The following LAMA1 variants were observed in gnomAD, a reference collection of about 807,000 sequenced individuals.
The protein encoded by LAMA1 is laminin subunit alpha 1.
In LAMA1, 219 loss-of-function variants were observed where a neutral mutation model predicts 348.7. That is an observed-to-expected ratio of 0.63 (90% confidence interval 0.56 to 0.70). The LOEUF (loss-of-function observed/expected upper bound fraction) is 0.70. Among genes scored for constraint, LAMA1 ranks in the 30% least tolerant of loss-of-function variants. The probability of loss-of-function intolerance (pLI) is 0.00; values close to 1 mark genes in which losing one functional copy is unlikely to be tolerated. For missense variants in LAMA1, 3,744 were observed against 3,888.0 expected (o/e 0.96, Z 0.99); for synonymous variants, 1,487 against 1,491.0 (o/e 1.00, Z 0.06).
intron 8 of LAMA1, 159 bp from the exon 9 acceptor site, chr18:7,042,409 C>G (rs1038161780): frequency 6.5e-6 from 4 of 615,660 alleles, no homozygotes; most frequent in African/African-American, 1.8e-5. Flanking sequence ...TAAGATGATC[C>G]CAAGCCAGGA....
At chr18:6,946,670 G>A (rs1333369072) in intron 61 of LAMA1, among the ~76,000 whole-genome samples, 1 of 152,098 alleles carries the variant, frequency 6.6e-6, no homozygotes, top group Non-Finnish European at 1.5e-5. Context: ...AGTGAGCTGA[G>A]ATTGCACCAT....
rs1293151804 is a variant in LAMA1, at chr18:7,010,362, C to T, written c.3711G>A (p.Leu1237=). The T allele has an allele frequency of 6.2e-7, 1 of 1,614,114 alleles. No individual in the cohort carries two copies. The highest frequency in any genetic ancestry group is 2.2e-5 in the East Asian group (1 of 44,878). ...AAGAATAGAAGGCCACGCTGTACTT[C>T]AGTTTGCCACCATAGGCCATGAGCT... ...GDQLMAYGGK[L]KYSVAFYSLD... Residue 1237 remains leucine (L), a synonymous_variant, in exon 26 of 63, where the codon CTG becomes CTA. Transcript: ENST00000389658.
At position 6,948,200 on chromosome 18, in the gene LAMA1, G is replaced by A. The variant is rs2057530668; in HGVS notation, c.8710+203C>T. On this transcript the variant is annotated intron_variant, in intron 60 of 62. Transcript: ENST00000389658. The stretch of plus-strand genomic sequence containing the variant: ...TCAGGAGTCACACCACTCCTTGGGG[G>A]AGACTTTGTCAGGCCATCCAGATAG... 3.3e-5 allele frequency among the ~76,000 whole-genome samples: 5 copies of A among 152,288 alleles called. 1 individual carries two copies. The Middle Eastern group carries it at 0.017, about 518-fold the overall frequency.
chr18:7,055,055 A>AT (rs983968219), intron 3 of LAMA1, among the ~76,000 whole-genome samples: 9 of 151,814 alleles, frequency 5.9e-5, no homozygotes, highest in African/African-American at 1.9e-4. Flanking sequence ...TTATTCATGG[A>AT]TTTTTTGACT....
chr18:6,943,121 C>G, intron 62 of LAMA1, 59 bp downstream of exon 62: 1 of 1,465,416 alleles, frequency 6.8e-7, no homozygotes, highest in Non-Finnish European at 9.6e-7. Flanking sequence ...CCACCTGAAC[C>G]AAGACTTCCT....
chr18:7,021,111 G>A (rs926898981), intron 19 of LAMA1, among the ~76,000 whole-genome samples: 8 of 152,052 alleles, frequency 5.3e-5, no homozygotes, highest in East Asian at 1.9e-4. Flanking sequence ...GCCTGGGCCC[G>A]TCTTCCCACG....
At chr18:6,982,168 A>G (rs1228233985) in intron 41 of LAMA1, among the ~76,000 whole-genome samples, 2 of 152,158 alleles carry the variant, frequency 1.3e-5, no homozygotes, top group Non-Finnish European at 2.9e-5. Flanking sequence ...AGCACACGCA[A>G]TCAAAGATAA....
rs967552064 is a variant in LAMA1, at chr18:6,955,300, C to G, written c.8207+53G>C. On this transcript the variant is annotated intron_variant, in intron 57 of 62. Coordinates refer to ENST00000389658, the MANE Select transcript of LAMA1 (RefSeq NM_005559.4). ...AAAAGACTCTGTGGCTGCAGAACAC[C>G]CCCATACATCTAGCAATGAGACGCC... The G allele has an allele frequency of 4.8e-5, 65 of 1,343,412 alleles. No homozygotes were observed. In the African/African-American group the frequency reaches 7.6e-4, roughly 16 times the overall value. 83.2% of individuals were successfully genotyped at this position (1,343,412 alleles called of 1,614,324 possible).
intron 61 of LAMA1, among the ~76,000 whole-genome samples, chr18:6,946,841 A>G (rs1448392287): frequency 6.6e-6 from 1 of 152,226 alleles, no homozygotes; most frequent in Non-Finnish European, 1.5e-5. Context: ...TTCCAAATAA[A>G]AAGTTAAAAA....
rs1215937148 is a variant in LAMA1, at chr18:7,080,433, A to G, written c.86T>C (p.Leu29Pro). The change falls in exon 2 of 63, where the codon CTT becomes CCT. Residue 29 changes from leucine (L) to proline (P), a missense_variant. Around this residue, in one of 3 missense-constraint regions of LAMA1, gnomAD observed 1,529 missense variants for 1,689.4 expected, o/e 0.91. Transcript: ENST00000389658. The stretch of plus-strand genomic sequence containing the variant: ...GGTGCTGATGTGAGCATTGCTGGCA[A>G]GATTGAGAATGGCAGGAAACAGGCC... ...QRGLFPAILN[L>P]ASNAHISTNA... The G allele has an allele frequency of 6.2e-7, 1 of 1,614,144 alleles. No individual in the cohort carries two copies. The highest frequency in any genetic ancestry group is 8.5e-7 in the Non-Finnish European group (1 of 1,180,052).
intron 31 of LAMA1, 88 bp from the exon 32 acceptor site, chr18:6,999,726 G>T: frequency 7.9e-7 from 1 of 1,272,672 alleles, no homozygotes; most frequent in Non-Finnish European, 1.1e-6. Context: ...CAAATGAAAT[G>T]CAAAGCACAG....
At chr18:6,958,721 C>T in intron 54 of LAMA1, 59 bp from the exon 55 acceptor site, 1 of 1,405,524 alleles carries the variant, frequency 7.1e-7, no homozygotes, top group Non-Finnish European at 1.0e-6. Context: ...ATAATAATTC[C>T]ATTTTAGTCC....
At chr18:7,017,969 A>G (rs1048215955) in intron 19 of LAMA1, among the ~76,000 whole-genome samples, 1 of 152,178 alleles carries the variant, frequency 6.6e-6, no homozygotes, top group Admixed American at 6.5e-5. Flanking sequence ...GCAAAGTGAT[A>G]CAATCTTACG....
chr18:6,974,772 C>T, intron 46 of LAMA1, 131 bp downstream of exon 46: 2 of 1,237,812 alleles, frequency 1.6e-6, no homozygotes, highest in Non-Finnish European at 2.3e-6. Flanking sequence ...CTAACCTAAA[C>T]CAAGTATTGT....
At chr18:7,098,125 G>A (rs1221649402) in intron 1 of LAMA1, among the ~76,000 whole-genome samples, 1 of 151,514 alleles carries the variant, frequency 6.6e-6, no homozygotes, top group African/African-American at 2.4e-5. Context: ...TGCCGGGATT[G>A]CAGACGGAGT....
At position 6,966,166 on chromosome 18, in the gene LAMA1, T is replaced by C. The variant is rs1342701905; in HGVS notation, c.7031A>G (p.Tyr2344Cys). Residue 2344 changes from tyrosine to cysteine, a missense_variant, in exon 49 of 63, where the codon TAC (tyrosine) becomes TGC (cysteine). Tyr to Cys is a radical substitution (Grantham distance 194, BLOSUM62 -2). Around this residue, in one of 3 missense-constraint regions of LAMA1, gnomAD observed 1,983 missense variants for 1,934.3 expected, o/e 1.03. Transcript: ENST00000389658. ...TCTTACTGTGCCGTATGAACCCAGG[T>C]AGAGAAGAAGTCCATTAGGTGAAAA... ...NTFSPNGLLL[Y>C]LGSYGTKDFL... The C allele has an allele frequency of 6.2e-7, 1 of 1,614,150 alleles. No individual in the cohort carries two copies. Among genetic ancestry groups the C allele is most frequent in the Non-Finnish European group, 8.5e-7 (1 of 1,180,028 alleles).
At chr18:7,092,624 G>A (rs1273381190) in intron 1 of LAMA1, among the ~76,000 whole-genome samples, 6 of 89,078 alleles carry the variant, frequency 6.7e-5, no homozygotes, top group Non-Finnish European at 4.6e-5. Context: ...TCTCTGTCTC[G>A]GGAAAAAAAA....
Position 7,099,500 on chromosome 18 carries a change from A to T in LAMA1, c.61+18160T>A, listed in dbSNP as rs1009307607. Among the ~76,000 whole-genome samples the T allele has an allele frequency of 3.9e-5, 6 of 151,958 alleles. No homozygotes were observed. The East Asian group carries it at 1.2e-3, about 29-fold the overall frequency. ...TAAATTTAAAAAAAAACAAAAAAAA[A>T]AATGAACTTACACCCTGACTCCTTA... On this transcript the variant is annotated intron_variant, in intron 1 of 62. Coordinates refer to ENST00000389658, the MANE Select transcript of LAMA1 (RefSeq NM_005559.4).
In LAMA1 at chr18:7,034,682, T is replaced by G; in HGVS notation, c.1848A>C (p.Gly616=). The change falls in exon 14 of 63, where the codon GGA becomes GGC. Residue 616 remains glycine (G), a synonymous_variant. Transcript: ENST00000389658. ...SHADVIIKGN[G]LTLSTQAEGL... Reference sequence around the variant, plus strand: ...CCTCAGCCTGTGTGCTTAAAGTGAGTCCGTTTCCCTAACATTTAAAAACAA... The same window carrying G: ...CCTCAGCCTGTGTGCTTAAAGTGAGGCCGTTTCCCTAACATTTAAAAACAA... 1 of 1,612,836 alleles carries G rather than the reference T, an allele frequency of 6.2e-7. No homozygotes were observed.
Sources: allele counts gnomAD v4.1 joint callset (sites outside exome capture counted in the v4.1 genomes callset), GRCh38; gene constraint gnomAD v4.1.1; regional missense constraint gnomAD v4.1.1; transcripts MANE v1.5; gene names NCBI Gene and HGNC (gene_info 2026-07-23, HGNC 2026-07-21).